The following UBE2V2 variants were observed in gnomAD, a reference collection of about 807,000 sequenced individuals.
UBE2V2 encodes ubiquitin conjugating enzyme E2 V2.
Under a neutral mutation model 17.2 loss-of-function variants are expected in UBE2V2, and 9 were observed. The ratio of observed to expected loss-of-function variants is 0.52; its 90% confidence interval spans 0.32 to 0.91. The LOEUF (loss-of-function observed/expected upper bound fraction) is 0.91. UBE2V2 is among the 40% of genes least tolerant of loss of function. UBE2V2 has a pLI of 0.04. For synonymous variants in UBE2V2, 61 were observed against 57.5 expected (o/e 1.06, Z -0.28); for missense variants, 133 against 182.6 (o/e 0.73, Z 1.56).
In UBE2V2 at chr8:48,008,475, G is replaced by C; in HGVS notation, c.16+5G>C. On this transcript the variant is annotated splice_donor_5th_base_variant and intron_variant, in intron 1 of 3. Transcript: ENST00000523111. Reference sequence around the variant, plus strand: ...AGAAGATGGCGGTCTCCACAGGTCGGTTCCCGGGCCGGGCTGCGTGATTTT... The same window carrying C: ...AGAAGATGGCGGTCTCCACAGGTCGCTTCCCGGGCCGGGCTGCGTGATTTT... The C allele has an allele frequency of 6.4e-7, 1 of 1,567,644 alleles. No individual in the cohort carries two copies. The highest frequency in any genetic ancestry group is 8.6e-7 in the Non-Finnish European group (1 of 1,158,894).
intron 3 of UBE2V2, among the ~76,000 whole-genome samples, chr8:48,055,086 T>A (rs2091563060): frequency 6.6e-6 from 1 of 152,180 alleles, no homozygotes; most frequent in Admixed American, 6.5e-5. Flanking sequence ...ATGGAATCTA[T>A]TTAAAATAGG....
At chr8:48,034,742 CT>C (rs917342807) in intron 1 of UBE2V2, 16 of 152,222 alleles carry the variant, frequency 1.1e-4, no homozygotes, top group African/African-American at 3.9e-4. Flanking sequence ...TCCAACCCCC[CT>C]CCCTTCATTT....
At chr8:48,022,729 C>G (rs1305853574) in intron 1 of UBE2V2, among the ~76,000 whole-genome samples, 1 of 151,788 alleles carries the variant, frequency 6.6e-6, no homozygotes, top group Non-Finnish European at 1.5e-5. Flanking sequence ...CTGAGAAAGT[C>G]TTTATCCTTT....
the UBE2V2 span, among the ~76,000 whole-genome samples, chr8:48,003,078 C>T: frequency 7.2e-5 from 11 of 152,066 alleles, no homozygotes; most frequent in South Asian, 4.2e-4. Flanking sequence ...GGCATGGTGG[C>T]GCATGCCTGT....
intron 1 of UBE2V2, among the ~76,000 whole-genome samples, chr8:48,025,926 A>G (rs1003916831): frequency 1.3e-5 from 2 of 152,076 alleles, no homozygotes; most frequent in Non-Finnish European, 2.9e-5. Context: ...AGGTTTATCT[A>G]AGGGAGGCGA....
At chr8:48,050,811 G>A (rs1350397939) in intron 3 of UBE2V2, among the ~76,000 whole-genome samples, 3 of 152,054 alleles carry the variant, frequency 2.0e-5, no homozygotes, top group Non-Finnish European at 1.5e-5. Flanking sequence ...ATTCATGAAG[G>A]GTTTTTTTCT....
At chr8:48,005,669 C>T (rs2091178996), upstream of UBE2V2, among the ~76,000 whole-genome samples, 1 of 152,212 alleles carries the variant, frequency 6.6e-6, no homozygotes, top group South Asian at 2.1e-4. Flanking sequence ...TCCACATCCT[C>T]TCCAGCATCT....
intron 1 of UBE2V2, among the ~76,000 whole-genome samples, chr8:48,012,696 T>A (rs1260518265): frequency 1.3e-5 from 2 of 150,858 alleles, no homozygotes; most frequent in Admixed American, 6.6e-5. Context: ...CCAGCCTGGG[T>A]AAGAAGAGTG....
chr8:48,060,209 CAAAAAAAAAAAA>C (rs557515958), intron 3 of UBE2V2, among the ~76,000 whole-genome samples: 9 of 43,828 alleles, frequency 2.1e-4, no homozygotes, highest in African/African-American at 2.8e-4. Flanking sequence ...GACTCTGTCT[CAAAAAAAAAAAA>C]AAAAAAAAAA....
At chr8:48,025,198 A>G (rs2091332697) in intron 1 of UBE2V2, among the ~76,000 whole-genome samples, 1 of 151,976 alleles carries the variant, frequency 6.6e-6, no homozygotes, top group Non-Finnish European at 1.5e-5. Flanking sequence ...CGGCCTCCCA[A>G]AGTGCTGGGA....
At chr8:48,059,389 C>T (rs1038671690) in intron 3 of UBE2V2, among the ~76,000 whole-genome samples, 1 of 151,584 alleles carries the variant, frequency 6.6e-6, no homozygotes, top group Non-Finnish European at 1.5e-5. Context: ...AGCTTGTCTG[C>T]TTAAGTATTT....
chr8:48,039,080 T>C (rs1194426179), intron 1 of UBE2V2, among the ~76,000 whole-genome samples: 12 of 151,174 alleles, frequency 7.9e-5, no homozygotes, highest in Admixed American at 7.9e-4. Flanking sequence ...TTTGTATTTT[T>C]AGTAGAGACG....
At chr8:48,030,681 C>T (rs1196782030) in intron 1 of UBE2V2, among the ~76,000 whole-genome samples, 4 of 151,508 alleles carry the variant, frequency 2.6e-5, no homozygotes, top group Non-Finnish European at 5.9e-5. Flanking sequence ...AGATCGTGTA[C>T]TCCAGCCTGG....
intron 1 of UBE2V2, among the ~76,000 whole-genome samples, chr8:48,022,142 C>CT (rs879871970): frequency 1.3e-3 from 186 of 143,692 alleles, no homozygotes; most frequent in Middle Eastern, 3.8e-3. Flanking sequence ...CAGTTTGGAT[C>CT]TTTTTTTTTT....
Position 48,017,267 on chromosome 8 carries a change from T to C in UBE2V2, c.16+8797T>C, listed in dbSNP as rs201195881. On this transcript the variant is annotated intron_variant, in intron 1 of 3. Coordinates refer to ENST00000523111, the MANE Select transcript of UBE2V2 (RefSeq NM_003350.3). ...TTCAGATCTTTTACCCATTTTTACA[T>C]GAGGTTATTTTCTTGGTATTGAATG... is the stretch of plus-strand genomic sequence containing the variant. Among the ~76,000 whole-genome samples, 3 of 152,320 alleles carry C rather than the reference T, an allele frequency of 2.0e-5. No individual in the cohort carries two copies. The East Asian group carries it at 5.8e-4, about 29-fold the overall frequency.
chr8:47,998,550 C>T, the UBE2V2 span, among the ~76,000 whole-genome samples: 1 of 151,690 alleles, frequency 6.6e-6, no homozygotes, highest in Non-Finnish European at 1.5e-5. Context: ...TTTTACTCAC[C>T]CTGGCGGAGG....
chr8:48,004,780 T>C (rs374298333), upstream of UBE2V2, among the ~76,000 whole-genome samples: 3 of 152,000 alleles, frequency 2.0e-5, no homozygotes, highest in African/African-American at 7.2e-5. Flanking sequence ...CCACCTGCCT[T>C]GGCCTCCTGA....
chr8:48,003,313 T>C, the UBE2V2 span, among the ~76,000 whole-genome samples: 1 of 152,000 alleles, frequency 6.6e-6, no homozygotes. Context: ...GCACTGGGAA[T>C]TAACCATCAG....
the UBE2V2 span, among the ~76,000 whole-genome samples, chr8:48,000,821 CAAAAAAAAAAAAAAAAA>C: frequency 9.8e-5 from 2 of 20,488 alleles, no homozygotes; most frequent in African/African-American, 3.1e-4. Context: ...GACTTTGCCT[CAAAAAAAAAAAAAAAAA>C]AAAAAAAAAA....
Sources: allele counts gnomAD v4.1 joint callset (sites outside exome capture counted in the v4.1 genomes callset), GRCh38; gene constraint gnomAD v4.1.1; transcripts MANE v1.5; gene names NCBI Gene and HGNC (gene_info 2026-07-23, HGNC 2026-07-21).